Variants in LDLRAD3 observed in about 807,000 individuals in gnomAD.
LDLRAD3 encodes the protein low density lipoprotein receptor class A domain containing 3, also known as low-density lipoprotein receptor class A domain-containing protein 3.
In LDLRAD3, 20 loss-of-function variants were observed where a neutral mutation model predicts 29.4. The ratio of observed to expected loss-of-function variants is 0.68; its 90% CI spans 0.48 to 0.99. LDLRAD3 has a LOEUF of 0.99. Among genes scored for constraint, LDLRAD3 ranks in the 50% least tolerant of loss-of-function variants. The pLI is 0.00. For synonymous variants in LDLRAD3, 157 were observed against 192.7 expected (o/e 0.81, Z 1.53); for missense variants, 420 against 454.3 (o/e 0.92, Z 0.69).
chr11:36,085,293 G>C (rs886959809), intron 3 of LDLRAD3, among the ~76,000 whole-genome samples: 5 of 149,550 alleles, frequency 3.3e-5, no homozygotes, highest in Non-Finnish European at 7.4e-5. Context: ...ATTTACAGTC[G>C]TTCAAGTTGT....
intron 4 of LDLRAD3, among the ~76,000 whole-genome samples, chr11:36,173,897 C>T (rs887315728): frequency 6.6e-6 from 1 of 152,188 alleles, no homozygotes; most frequent in African/African-American, 2.4e-5. Flanking sequence ...AAAGAACCTG[C>T]ATTGCCAAGA....
chr11:35,979,068 G>A (rs946677316), intron 1 of LDLRAD3, among the ~76,000 whole-genome samples: 4 of 152,242 alleles, frequency 2.6e-5, no homozygotes, highest in Non-Finnish European at 5.9e-5. Context: ...GCTCCACTCC[G>A]GATCTGAGGT....
chr11:36,175,344 C>G (rs1854659945), intron 4 of LDLRAD3, among the ~76,000 whole-genome samples: 1 of 152,052 alleles, frequency 6.6e-6, no homozygotes, highest in African/African-American at 2.4e-5. Context: ...TTCATTTCTT[C>G]TGCTGGGCTT....
At chr11:36,123,717 C>A (rs947612185) in intron 4 of LDLRAD3, among the ~76,000 whole-genome samples, 3 of 152,174 alleles carry the variant, frequency 2.0e-5, no homozygotes, top group Non-Finnish European at 2.9e-5. Flanking sequence ...TGCCCCTTGG[C>A]CTGGCAGATG....
At chr11:36,042,562 T>C (rs1852395845) in intron 2 of LDLRAD3, among the ~76,000 whole-genome samples, 1 of 152,150 alleles carries the variant, frequency 6.6e-6, no homozygotes, top group African/African-American at 2.4e-5. Flanking sequence ...AACACTATCA[T>C]TTTGGGTTGA....
intron 2 of LDLRAD3, among the ~76,000 whole-genome samples, chr11:36,055,684 C>T (rs995785110): frequency 2.6e-5 from 4 of 152,216 alleles, no homozygotes; most frequent in Non-Finnish European, 5.9e-5. Flanking sequence ...TGCCTGTGGT[C>T]TTCCTAGTTA....
intron 4 of LDLRAD3, among the ~76,000 whole-genome samples, chr11:36,144,540 C>T (rs1485299244): frequency 3.3e-5 from 5 of 150,902 alleles, no homozygotes; most frequent in East Asian, 2.0e-4. Flanking sequence ...TCTGCCCTGC[C>T]GCCCCGTCTG....
intron 4 of LDLRAD3, among the ~76,000 whole-genome samples, chr11:36,137,392 T>C (rs1224816496): frequency 1.3e-5 from 2 of 152,222 alleles, no homozygotes; most frequent in Non-Finnish European, 2.9e-5. Context: ...CATAATCTCA[T>C]GAGTTCATTT....
intron 1 of LDLRAD3, among the ~76,000 whole-genome samples, chr11:35,987,143 G>A (rs1395487527): frequency 6.6e-6 from 1 of 152,204 alleles, no homozygotes; most frequent in African/African-American, 2.4e-5. Context: ...GTGGAGGTGG[G>A]TCAAGTACCA....
chr11:36,193,037 C>G (rs1199863858), intron 4 of LDLRAD3, among the ~76,000 whole-genome samples: 1 of 152,154 alleles, frequency 6.6e-6, no homozygotes, highest in Non-Finnish European at 1.5e-5. Flanking sequence ...TTAAAGAAGA[C>G]CTAGGATATG....
At chr11:35,956,429 T>C (rs1356400351) in intron 1 of LDLRAD3, among the ~76,000 whole-genome samples, 1 of 151,954 alleles carries the variant, frequency 6.6e-6, no homozygotes, top group East Asian at 1.9e-4. Context: ...TTGCTACTCT[T>C]AGTGTGGTTG....
rs573076429 is a variant in LDLRAD3, at chr11:36,025,331, C to T, written c.47-10772C>T. Among the ~76,000 whole-genome samples the T allele has an allele frequency of 7.7e-4, 117 of 151,748 alleles. 1 individual carries two copies. The Middle Eastern group carries it at 0.021, about 27-fold the overall frequency. ...AAGTTACCAAGAATAGCACAAATCC[C>T]GCTGTGTGCCTGCACCCAGTTCCAC... On this transcript the variant is annotated intron_variant, in intron 1 of 5. Coordinates refer to ENST00000315571, the MANE Select transcript of LDLRAD3 (RefSeq NM_174902.4).
intron 4 of LDLRAD3, among the ~76,000 whole-genome samples, chr11:36,112,426 A>G (rs770624971): frequency 4.6e-5 from 7 of 152,202 alleles, no homozygotes; most frequent in African/African-American, 7.2e-5. Flanking sequence ...AATTCCCCAT[A>G]TATCCAGAGT....
At chr11:36,144,803 G>T (rs1294892920) in intron 4 of LDLRAD3, among the ~76,000 whole-genome samples, 1 of 128,334 alleles carries the variant, frequency 7.8e-6, no homozygotes, top group Admixed American at 7.1e-5. Context: ...CGGGAGGGAG[G>T]TGGGGGGGTC....
intron 4 of LDLRAD3, among the ~76,000 whole-genome samples, chr11:36,170,238 A>ATG (rs1358250480): frequency 1.3e-5 from 2 of 149,670 alleles, no homozygotes; most frequent in African/African-American, 5.0e-5. Flanking sequence ...CATGGTGTGT[A>ATG]TGTGTGTGTA....
At chr11:36,038,122 C>T (rs543842356) in intron 2 of LDLRAD3, among the ~76,000 whole-genome samples, 4 of 152,062 alleles carry the variant, frequency 2.6e-5, no homozygotes, top group African/African-American at 7.2e-5. Flanking sequence ...TGCTCTTGAA[C>T]CCCTGAGCTC....
At chr11:36,007,040 C>A (rs902306149) in intron 1 of LDLRAD3, among the ~76,000 whole-genome samples, 8 of 152,230 alleles carry the variant, frequency 5.3e-5, no homozygotes, top group African/African-American at 1.7e-4. Flanking sequence ...CAGTGACTCT[C>A]TCAGTCTGTG....
chr11:36,194,988 A>G lies in LDLRAD3; in HGVS notation c.455-32097A>G, dbSNP rs76207573. On this transcript the variant is annotated intron_variant, in intron 4 of 5. Transcript: ENST00000315571. The stretch of plus-strand genomic sequence containing the variant: ...CATCACTGGGCTTGCATTTCTTCCA[A>G]TCAACCTTGGGAAAGTTCCTAAACC... Among the ~76,000 whole-genome samples the G allele has an allele frequency of 1.7e-3, 263 of 152,300 alleles. 2 individuals are homozygous for G. The highest frequency in any genetic ancestry group is 7.1e-3 in the East Asian group (37 of 5,180).
chr11:36,228,817 C>T (rs1855534114), intron 5 of LDLRAD3, among the ~76,000 whole-genome samples: 1 of 152,158 alleles, frequency 6.6e-6, no homozygotes, highest in African/African-American at 2.4e-5. Context: ...ACCAGCCCAG[C>T]CTCTTGGCCA....
Sources: gnomAD v4.1 joint callset for allele counts (sites outside exome capture counted in the v4.1 genomes callset) on GRCh38, gnomAD v4.1.1 for gene constraint, MANE v1.5 for transcripts, NCBI Gene and HGNC (gene_info 2026-07-23, HGNC 2026-07-21) for gene names.